Variants in TNR observed in about 807,000 individuals in gnomAD.
TNR encodes the protein tenascin R.
A neutral mutation model predicts 150.4 loss-of-function variants in TNR; 45 were observed. The ratio of observed to expected loss-of-function variants is 0.30; its 90% CI spans 0.24 to 0.38. The LOEUF is 0.38. Among genes scored for constraint, TNR ranks in the 10% least tolerant of loss-of-function variants. TNR has a pLI of 1.00. For missense variants in TNR, 1,544 were observed against 1,759.1 expected, an observed-to-expected ratio of 0.88 and a Z score of 2.19; for synonymous variants, 687 against 678.4, an observed-to-expected ratio of 1.01 and a Z score of -0.20.
At chr1:175,414,727 T>C (rs763041508) in intron 2 of TNR, among the ~76,000 whole-genome samples, 3 of 152,202 alleles carry the variant, frequency 2.0e-5, no homozygotes, top group Non-Finnish European at 4.4e-5. Flanking sequence ...CTGAAGCTTG[T>C]GTCCCACCTA....
chr1:175,515,823 T>A (rs1478787073), intron 2 of TNR, among the ~76,000 whole-genome samples: 1 of 152,178 alleles, frequency 6.6e-6, no homozygotes, highest in African/African-American at 2.4e-5. Context: ...GGATGCTCTT[T>A]TTAAGGAAAG....
intron 1 of TNR, among the ~76,000 whole-genome samples, chr1:175,620,659 G>T (rs74127366): frequency 0.026 from 3,981 of 152,248 alleles, 178 homozygotes; most frequent in African/African-American, 0.089. Context: ...GTGGTTCAAA[G>T]ACTGAGGACC....
At chr1:175,640,190 T>A (rs1456759566) in intron 1 of TNR, among the ~76,000 whole-genome samples, 2 of 152,368 alleles carry the variant, frequency 1.3e-5, no homozygotes, top group East Asian at 1.9e-4. Flanking sequence ...CCTGTATGCC[T>A]TCTACACAGC....
chr1:175,636,559 C>T (rs1664497200), intron 1 of TNR, among the ~76,000 whole-genome samples: 1 of 152,172 alleles, frequency 6.6e-6, no homozygotes, highest in South Asian at 2.1e-4. Flanking sequence ...TAAAGATCTT[C>T]CCCAAATCCC....
intron 1 of TNR, among the ~76,000 whole-genome samples, chr1:175,574,882 C>T (rs1247028819): frequency 6.6e-6 from 1 of 152,350 alleles, no homozygotes; most frequent in Non-Finnish European, 1.5e-5. Flanking sequence ...AAAAAGTTGA[C>T]TATCAGCCTA....
At chr1:175,496,062 C>T (rs951618260) in intron 2 of TNR, among the ~76,000 whole-genome samples, 5 of 152,138 alleles carry the variant, frequency 3.3e-5, no homozygotes, top group Admixed American at 6.5e-5. Context: ...TTGGAATTGA[C>T]GTGAAGAAGT....
At chr1:175,717,850 G>GCACACACA (rs376373689) in intron 1 of TNR, among the ~76,000 whole-genome samples, 4 of 151,186 alleles carry the variant, frequency 2.6e-5, no homozygotes, top group African/African-American at 9.7e-5. Flanking sequence ...GAGCGCACAT[G>GCACACACA]CACACACACA....
intron 1 of TNR, among the ~76,000 whole-genome samples, chr1:175,558,399 T>G (rs922639091): frequency 6.6e-6 from 1 of 152,222 alleles, no homozygotes; most frequent in African/African-American, 2.4e-5. Context: ...TTCATTGAAA[T>G]TATTTCTCAC....
intron 1 of TNR, among the ~76,000 whole-genome samples, chr1:175,697,939 A>G (rs1666582072): frequency 6.6e-6 from 1 of 152,200 alleles, no homozygotes. Flanking sequence ...CTGACTTCAG[A>G]GTCAGCCCTG....
chr1:175,643,769 T>C (rs987170043), intron 1 of TNR, among the ~76,000 whole-genome samples: 5 of 152,174 alleles, frequency 3.3e-5, no homozygotes, highest in African/African-American at 1.2e-4. Context: ...ATCTATTCAA[T>C]ATTCAGCAAT....
At chr1:175,681,913 G>A (rs928503971) in intron 1 of TNR, among the ~76,000 whole-genome samples, 6 of 152,190 alleles carry the variant, frequency 3.9e-5, no homozygotes, top group African/African-American at 1.2e-4. Flanking sequence ...AAGGGAGGAA[G>A]GATAACTTCT....
At chr1:175,684,412 T>C (rs181130453) in intron 1 of TNR, among the ~76,000 whole-genome samples, 2 of 152,248 alleles carry the variant, frequency 1.3e-5, no homozygotes, top group East Asian at 3.9e-4. Context: ...TTTCACATGA[T>C]TTCAATATTC....
chr1:175,711,553 C>A (rs750066486), intron 1 of TNR, among the ~76,000 whole-genome samples: 5 of 152,202 alleles, frequency 3.3e-5, no homozygotes, highest in Non-Finnish European at 7.3e-5. Context: ...GCCATAAAAG[C>A]AGCCCTCTGG....
intron 2 of TNR, among the ~76,000 whole-genome samples, chr1:175,498,778 C>A (rs1167012846): frequency 6.6e-6 from 1 of 152,102 alleles, no homozygotes; most frequent in African/African-American, 2.4e-5. Flanking sequence ...AAAAGTCATC[C>A]CCTGGGCAGT....
chr1:175,491,566 C>A (rs559252594), intron 2 of TNR, among the ~76,000 whole-genome samples: 2 of 150,350 alleles, frequency 1.3e-5, no homozygotes, highest in Non-Finnish European at 2.9e-5. Flanking sequence ...AGCATCTAGA[C>A]TTTCTGAGTT....
At chr1:175,447,191 G>A (rs6688421) in intron 2 of TNR, among the ~76,000 whole-genome samples, 38,089 of 151,578 alleles carry the variant, frequency 0.25, 5,085 homozygotes, top group East Asian at 0.5. Flanking sequence ...CTGGAAGTAG[G>A]GGTGGTATGG....
At chr1:175,573,855 G>A (rs1227143509) in intron 1 of TNR, among the ~76,000 whole-genome samples, 1 of 152,218 alleles carries the variant, frequency 6.6e-6, no homozygotes, top group East Asian at 1.9e-4. Flanking sequence ...GATGAGCTCT[G>A]CCTTCTCTGA....
At chr1:175,665,731 G>A (rs1665515758) in intron 1 of TNR, among the ~76,000 whole-genome samples, 1 of 152,198 alleles carries the variant, frequency 6.6e-6, no homozygotes, top group South Asian at 2.1e-4. Flanking sequence ...GTTAGATACT[G>A]GAGATAAAAG....
intron 1 of TNR, among the ~76,000 whole-genome samples, chr1:175,565,048 C>T (rs1661587951): frequency 6.6e-6 from 1 of 152,236 alleles, no homozygotes; most frequent in Non-Finnish European, 1.5e-5. Flanking sequence ...AGGCTAAAAG[C>T]TGAGCTCACT....
Sources: gnomAD v4.1 joint callset for allele counts (sites outside exome capture counted in the v4.1 genomes callset) on GRCh38, gnomAD v4.1.1 for gene constraint, MANE v1.5 for transcripts, NCBI Gene and HGNC (gene_info 2026-07-23, HGNC 2026-07-21) for gene names.